GABRB3: variants seen among roughly 807,000 people sequenced by gnomAD.
GABRB3 encodes gamma-aminobutyric acid type A receptor subunit beta3, also known as gamma-aminobutyric acid receptor subunit beta-3.
GABRB3 carries 14 observed loss-of-function variants against 52.1 expected under a neutral mutation model. The ratio of observed to expected loss-of-function variants is 0.27; its 90% CI spans 0.18 to 0.42. The LOEUF is 0.42. GABRB3 is among the 10% of genes least tolerant of loss of function. The pLI, the probability that GABRB3 is intolerant of heterozygous loss-of-function variation, is 1.00. For missense variants in GABRB3, 307 were observed against 609.1 expected, an observed-to-expected ratio of 0.50 and a Z score of 5.22; for synonymous variants, 260 against 232.3, an observed-to-expected ratio of 1.12 and a Z score of -1.08.
chr15:26,551,312 G>C (rs1413219845), intron 8 of GABRB3, among the ~76,000 whole-genome samples: 4 of 152,200 alleles, frequency 2.6e-5, no homozygotes, highest in East Asian at 3.9e-4. Flanking sequence ...TGAGAAGAGA[G>C]TGCAGAGAGG....
chr15:26,757,391 C>G (rs1446511403), intron 3 of GABRB3, among the ~76,000 whole-genome samples: 1 of 152,126 alleles, frequency 6.6e-6, no homozygotes, highest in African/African-American at 2.4e-5. Context: ...CGCTCCTGGG[C>G]TCAAACCAAA....
Position 26,723,448 on chromosome 15 carries a change from T to C in GABRB3, c.240+48954A>G, listed in dbSNP as rs373005041. Among the ~76,000 whole-genome samples the C allele has an allele frequency of 5.3e-5, 8 of 152,326 alleles. No homozygotes were observed. In the South Asian group the frequency reaches 1.0e-3, roughly 20 times the overall value. On this transcript the variant is annotated intron_variant, in intron 3 of 8. Transcript: ENST00000311550. ...AAGAAATCCTACATTTTGGCATTCA[T>C]CAGCTATAATTTTGCAAAGAATGAA...
chr15:26,657,453 TA>T (rs1372813567), intron 3 of GABRB3: 1 of 152,218 alleles, frequency 6.6e-6, no homozygotes, highest in Non-Finnish European at 1.5e-5. Flanking sequence ...CTGTACGGTC[TA>T]AATCTACGGA....
At chr15:26,608,703 TCAA>T (rs1826948719) in intron 4 of GABRB3, among the ~76,000 whole-genome samples, 1 of 151,996 alleles carries the variant, frequency 6.6e-6, no homozygotes, top group Non-Finnish European at 1.5e-5. Context: ...GAAAAGAAGT[TCAA>T]CATCACTAAT....
chr15:26,666,845 C>G (rs144521974), intron 3 of GABRB3, among the ~76,000 whole-genome samples: 3 of 152,138 alleles, frequency 2.0e-5, no homozygotes, highest in African/African-American at 7.2e-5. Context: ...TGAAGCCAGT[C>G]GCTTCACGGC....
At chr15:26,576,196 G>C (rs1890584188) in intron 6 of GABRB3, among the ~76,000 whole-genome samples, 1 of 152,206 alleles carries the variant, frequency 6.6e-6, no homozygotes, top group Admixed American at 6.5e-5. Flanking sequence ...TAATCTGTCT[G>C]TTATGCAAGC....
Position 26,586,704 on chromosome 15 carries a change from A to AAAAAG in GABRB3, c.462-3291_462-3290insCTTTT, listed in dbSNP as rs558336153. Among the ~76,000 whole-genome samples the AAAAAG allele has an allele frequency of 8.3e-3, 853 of 102,198 alleles. 28 individuals are homozygous for AAAAAG. Among genetic ancestry groups the AAAAAG allele is most frequent in the African/African-American group, 0.014 (465 of 32,704 alleles). The allele number at this position is 102,198 out of a possible 152,430, so 67.0% of individuals were successfully genotyped here. The stretch of plus-strand genomic sequence containing the variant: ...TCCATCTCAAAAAAAAAAAAAAAAA[A>AAAAAG]AGAGAGAGAGAGAAAGCGAAGAAGG... On this transcript the variant is annotated intron_variant, in intron 4 of 8. Coordinates refer to ENST00000311550, the MANE Select transcript of GABRB3 (RefSeq NM_000814.6).
intron 3 of GABRB3, among the ~76,000 whole-genome samples, chr15:26,634,945 G>C (rs1314318316): frequency 8.6e-6 from 1 of 116,042 alleles, no homozygotes; most frequent in African/African-American, 3.2e-5. Flanking sequence ...CTAAAGATTA[G>C]ATAACTTTCT....
intron 4 of GABRB3, among the ~76,000 whole-genome samples, chr15:26,584,656 G>A (rs1890913508): frequency 6.6e-6 from 1 of 152,192 alleles, no homozygotes; most frequent in Non-Finnish European, 1.5e-5. Flanking sequence ...ACCCTACACT[G>A]AGAAACAATA....
Position 26,567,095 on chromosome 15 carries a change from A to G in GABRB3, c.835+486T>C, listed in dbSNP as rs569826064. ...CATCAGCTAATAATCCAGCTGTCAA[A>G]TAACCAATGGTCAGGAAAGATCACT... On this transcript the variant is annotated intron_variant, in intron 7 of 8. Coordinates refer to ENST00000311550, the MANE Select transcript of GABRB3 (RefSeq NM_000814.6). Among the ~76,000 whole-genome samples the G allele has an allele frequency of 1.2e-4, 18 of 152,364 alleles. No homozygotes were observed. The East Asian group carries it at 3.3e-3, about 28-fold the overall frequency.
chr15:26,737,813 T>C (rs1890102880), intron 3 of GABRB3, among the ~76,000 whole-genome samples: 1 of 152,212 alleles, frequency 6.6e-6, no homozygotes, highest in South Asian at 2.1e-4. Flanking sequence ...CTTAATGTTA[T>C]ATAAACATTC....
chr15:26,719,615 G>A (rs974076678), intron 3 of GABRB3, among the ~76,000 whole-genome samples: 4 of 152,052 alleles, frequency 2.6e-5, no homozygotes, highest in African/African-American at 9.7e-5. Context: ...AAAATGTCTC[G>A]AGGTGTGAAC....
At chr15:26,707,517 G>A (rs541167972) in intron 3 of GABRB3, among the ~76,000 whole-genome samples, 91 of 152,340 alleles carry the variant, frequency 6.0e-4, no homozygotes, top group African/African-American at 2.2e-3. Context: ...TCACGTGTGA[G>A]CCTGAGTATC....
chr15:26,629,299 A>T (rs1470992400), intron 3 of GABRB3: 1 of 816,002 alleles, frequency 1.2e-6, no homozygotes, highest in African/African-American at 1.7e-5. Context: ...CGTGGCCCGT[A>T]GCGGAAAAGG....
At chr15:26,762,114 A>G (rs765695170) in intron 3 of GABRB3, among the ~76,000 whole-genome samples, 5 of 152,132 alleles carry the variant, frequency 3.3e-5, no homozygotes, top group African/African-American at 4.8e-5. Context: ...TTACGGGCAT[A>G]AAACCCCACA....
intron 3 of GABRB3, among the ~76,000 whole-genome samples, chr15:26,708,227 ATTGT>A (rs1353583604): frequency 4.6e-5 from 7 of 152,188 alleles, no homozygotes; most frequent in Non-Finnish European, 8.8e-5. Flanking sequence ...AGTACAATTG[ATTGT>A]TCTACATGAC....
intron 3 of GABRB3, among the ~76,000 whole-genome samples, chr15:26,718,532 C>T (rs1407045530): frequency 6.6e-6 from 1 of 152,162 alleles, no homozygotes; most frequent in Non-Finnish European, 1.5e-5. Flanking sequence ...TCTATTAATA[C>T]TTATAAAGAA....
intron 3 of GABRB3, among the ~76,000 whole-genome samples, chr15:26,726,186 A>C (rs781110332): frequency 1.3e-5 from 2 of 151,928 alleles, no homozygotes; most frequent in African/African-American, 2.4e-5. Flanking sequence ...ATGAGGTCAG[A>C]TGTGAAATTT....
At chr15:26,681,440 C>T (rs1888236604) in intron 3 of GABRB3, among the ~76,000 whole-genome samples, 1 of 152,142 alleles carries the variant, frequency 6.6e-6, no homozygotes, top group Admixed American at 6.5e-5. Flanking sequence ...AGTGGTTCTG[C>T]CTCACGTTGT....
Sources: allele counts gnomAD v4.1 joint callset (sites outside exome capture counted in the v4.1 genomes callset), GRCh38; gene constraint gnomAD v4.1.1; transcripts MANE v1.5; gene names NCBI Gene and HGNC (gene_info 2026-07-23, HGNC 2026-07-21).